Variants in ASIC2 observed in about 807,000 individuals in gnomAD.
The protein encoded by ASIC2 is acid-sensing ion channel 2.
A neutral mutation model predicts 57.3 loss-of-function variants in ASIC2; 25 were observed. That is an observed-to-expected ratio of 0.44 (90% CI 0.32 to 0.61). ASIC2 has a LOEUF of 0.61. ASIC2 is among the 20% of genes least tolerant of loss of function. ASIC2 has a pLI of 0.06. For synonymous variants in ASIC2, 319 were observed against 307.5 expected, an observed-to-expected ratio of 1.04 and a Z score of -0.39; for missense variants, 641 against 738.1, an observed-to-expected ratio of 0.87 and a Z score of 1.52.
intron 1 of ASIC2, among the ~76,000 whole-genome samples, chr17:33,539,338 T>C (rs960364074): frequency 1.3e-5 from 2 of 152,238 alleles, no homozygotes; most frequent in Non-Finnish European, 2.9e-5. Flanking sequence ...GCGCCTGCCA[T>C]TGGCGCCTGC....
intron 1 of ASIC2, among the ~76,000 whole-genome samples, chr17:33,320,553 A>C (rs1313009778): frequency 6.6e-6 from 1 of 152,176 alleles, no homozygotes; most frequent in African/African-American, 2.4e-5. Flanking sequence ...TATGGAGTTG[A>C]GGTGGACAGT....
At chr17:33,087,515 C>T (rs1428794398) in intron 3 of ASIC2, among the ~76,000 whole-genome samples, 2 of 151,374 alleles carry the variant, frequency 1.3e-5, no homozygotes, top group Admixed American at 6.6e-5. Flanking sequence ...AGGCCTATGC[C>T]ATCAACACTT....
At chr17:33,416,588 T>C (rs940109852) in intron 1 of ASIC2, among the ~76,000 whole-genome samples, 2 of 152,132 alleles carry the variant, frequency 1.3e-5, no homozygotes, top group African/African-American at 4.8e-5. Flanking sequence ...GTGCACCCAC[T>C]GGGCGCCCAC....
intron 1 of ASIC2, among the ~76,000 whole-genome samples, chr17:33,712,360 T>C (rs1909063809): frequency 6.6e-6 from 1 of 152,244 alleles, no homozygotes; most frequent in Non-Finnish European, 1.5e-5. Flanking sequence ...ACAGGCTCCC[T>C]GTAATCTTTG....
intron 1 of ASIC2, among the ~76,000 whole-genome samples, chr17:33,509,390 A>G (rs1914362040): frequency 6.6e-6 from 1 of 152,176 alleles, no homozygotes; most frequent in Admixed American, 6.5e-5. Flanking sequence ...AGATGAGTCA[A>G]GTGAGGCTTA....
intron 1 of ASIC2, among the ~76,000 whole-genome samples, chr17:33,872,424 G>A (rs1210568166): frequency 2.0e-5 from 3 of 152,174 alleles, no homozygotes; most frequent in Non-Finnish European, 2.9e-5. Flanking sequence ...ACCCGTATGT[G>A]GTTTCTGAGG....
intron 1 of ASIC2, among the ~76,000 whole-genome samples, chr17:33,209,977 A>G (rs535785973): frequency 8.5e-5 from 13 of 152,346 alleles, no homozygotes; most frequent in Non-Finnish European, 1.5e-4. Flanking sequence ...TCTTGAGCAC[A>G]GAATCCAGAA....
At chr17:33,749,600 C>A (rs947320238) in intron 1 of ASIC2, among the ~76,000 whole-genome samples, 5 of 152,128 alleles carry the variant, frequency 3.3e-5, no homozygotes, top group African/African-American at 1.2e-4. Context: ...CTCTCCATGG[C>A]TCCCTCCCAC....
intron 1 of ASIC2, among the ~76,000 whole-genome samples, chr17:33,402,923 G>T (rs1024958870): frequency 1.3e-5 from 2 of 152,146 alleles, no homozygotes; most frequent in East Asian, 3.9e-4. Context: ...ACCATCTCAT[G>T]CCAGTCAGAA....
rs151224292 is a variant in ASIC2 at position 33,942,416 on chromosome 17, C to T, written c.555+213562G>A. Reference sequence around the variant, plus strand: ...TATTTCACAGATGAAGAAATTGAGACCCAGAGAAGTGCAGGGTCTAACTCA... The same window carrying T: ...TATTTCACAGATGAAGAAATTGAGATCCAGAGAAGTGCAGGGTCTAACTCA... On this transcript the variant is annotated intron_variant, in intron 1 of 9. Transcript: ENST00000359872. Among the ~76,000 whole-genome samples the T allele has an allele frequency of 8.7e-4, 132 of 152,234 alleles. 1 individual carries two copies. The highest frequency in any genetic ancestry group is 3.0e-3 in the African/African-American group (124 of 41,556).
intron 1 of ASIC2, among the ~76,000 whole-genome samples, chr17:33,343,763 T>C (rs950826219): frequency 1.5e-4 from 23 of 152,182 alleles, no homozygotes; most frequent in African/African-American, 4.8e-4. Flanking sequence ...CCTGCCTAAT[T>C]CTTGAACCAA....
intron 1 of ASIC2, among the ~76,000 whole-genome samples, chr17:33,442,042 C>T (rs1332277372): frequency 6.6e-6 from 1 of 152,146 alleles, no homozygotes; most frequent in African/African-American, 2.4e-5. Context: ...TACTTCCCCC[C>T]CAAATTGATT....
At chr17:33,419,456 T>A (rs1162276693) in intron 1 of ASIC2, among the ~76,000 whole-genome samples, 3 of 152,210 alleles carry the variant, frequency 2.0e-5, no homozygotes, top group Admixed American at 6.5e-5. Flanking sequence ...CTATTGTTAA[T>A]GTAATGACAG....
At chr17:33,038,237 T>C (rs1364002013) in intron 3 of ASIC2, among the ~76,000 whole-genome samples, 1 of 152,210 alleles carries the variant, frequency 6.6e-6, no homozygotes, top group Non-Finnish European at 1.5e-5. Context: ...ATAAACTCCT[T>C]CATGTTTTTC....
chr17:33,716,643 C>T (rs1045130281), intron 1 of ASIC2, among the ~76,000 whole-genome samples: 5 of 152,286 alleles, frequency 3.3e-5, no homozygotes, highest in Admixed American at 2.6e-4. Flanking sequence ...CTGCCCTCGA[C>T]ACACACACTC....
At chr17:33,795,715 T>C (rs943699233) in intron 1 of ASIC2, among the ~76,000 whole-genome samples, 1 of 152,224 alleles carries the variant, frequency 6.6e-6, no homozygotes, top group Non-Finnish European at 1.5e-5. Flanking sequence ...TTGATAGATA[T>C]CTCTCATAAA....
intron 1 of ASIC2, among the ~76,000 whole-genome samples, chr17:33,811,836 T>G (rs1245401900): frequency 6.6e-6 from 1 of 152,222 alleles, no homozygotes; most frequent in Non-Finnish European, 1.5e-5. Flanking sequence ...ATCACAGTAC[T>G]GGCATTCCTA....
intron 1 of ASIC2, among the ~76,000 whole-genome samples, chr17:33,181,048 G>C (rs1232015396): frequency 6.6e-6 from 1 of 152,144 alleles, no homozygotes; most frequent in Admixed American, 6.5e-5. Flanking sequence ...AAAGCACTTG[G>C]CCAGTTCATA....
chr17:34,060,774 A>G (rs898965869), intron 1 of ASIC2, among the ~76,000 whole-genome samples: 1 of 152,140 alleles, frequency 6.6e-6, no homozygotes, highest in Non-Finnish European at 1.5e-5. Flanking sequence ...AAGGTCTTCA[A>G]ATTAACCCAT....
Sources: allele counts gnomAD v4.1 joint callset (sites outside exome capture counted in the v4.1 genomes callset), GRCh38; gene constraint gnomAD v4.1.1; transcripts MANE v1.5; gene names NCBI Gene and HGNC (gene_info 2026-07-23, HGNC 2026-07-21).